Variants in RCAN2 observed in about 807,000 individuals in gnomAD.
The protein encoded by RCAN2 is calcipressin-2.
In RCAN2, 9 loss-of-function variants were observed where a neutral mutation model predicts 23.6. That is an observed-to-expected ratio of 0.38 (90% CI 0.23 to 0.67). RCAN2 has a LOEUF of 0.67. Among genes scored for constraint, RCAN2 ranks in the 30% least tolerant of loss-of-function variants. The pLI, the probability that RCAN2 is intolerant of heterozygous loss-of-function variation, is 0.51. For missense variants in RCAN2, 273 were observed against 302.3 expected (o/e 0.90, Z 0.72); for synonymous variants, 109 against 115.7 (o/e 0.94, Z 0.37).
At position 46,353,631 on chromosome 6, in the gene RCAN2, G is replaced by A. The variant is rs183978411; in HGVS notation, c.225+103121C>T. On this transcript the variant is annotated intron_variant, in intron 2 of 4. Coordinates refer to ENST00000371374, the MANE Select transcript of RCAN2 (RefSeq NM_001251974.2). ...TTGCAGTTAATACCGGAGAGTAGAC[G>A]CTAGGATGAGATGTGAGGGTTATTC... Among the ~76,000 whole-genome samples, 119 of 152,192 alleles carry A rather than the reference G, an allele frequency of 7.8e-4. 1 individual carries two copies. The highest frequency in any genetic ancestry group is 2.7e-3 in the African/African-American group (112 of 41,508).
intron 2 of RCAN2, among the ~76,000 whole-genome samples, chr6:46,298,686 G>T (rs977256070): frequency 2.0e-5 from 3 of 152,048 alleles, no homozygotes; most frequent in African/African-American, 7.2e-5. Context: ...CAGCCCCTGT[G>T]GAAAGCAGTG....
intron 2 of RCAN2, among the ~76,000 whole-genome samples, chr6:46,251,361 C>T (rs1766708509): frequency 6.6e-6 from 1 of 152,192 alleles, no homozygotes; most frequent in African/African-American, 2.4e-5. Flanking sequence ...GGTCAAGTCA[C>T]AGCTGGTAGT....
intron 2 of RCAN2, among the ~76,000 whole-genome samples, chr6:46,380,436 G>C (rs1217995154): frequency 1.3e-5 from 2 of 152,208 alleles, no homozygotes; most frequent in South Asian, 2.1e-4. Context: ...AAAGATGCTA[G>C]AGCAAAGTTT....
rs141788637 is a variant in RCAN2 at position 46,287,726 on chromosome 6, T to C, written c.226-38830A>G. On this transcript the variant is annotated intron_variant, in intron 2 of 4. Transcript: ENST00000371374. Reference sequence around the variant, plus strand: ...CTTTAGAGAAGATTCAAAGCCAAATTGTGAGGTTTTCCTCAGGGTCTGGCT... The same window carrying C: ...CTTTAGAGAAGATTCAAAGCCAAATCGTGAGGTTTTCCTCAGGGTCTGGCT... Among the ~76,000 whole-genome samples, 828 of 152,340 alleles carry C rather than the reference T, an allele frequency of 5.4e-3. 5 individuals are homozygous for C. Among genetic ancestry groups the C allele is most frequent in the African/African-American group, 0.018 (763 of 41,576 alleles).
intron 1 of RCAN2, among the ~76,000 whole-genome samples, chr6:46,479,801 T>C (rs933609569): frequency 1.3e-5 from 2 of 152,132 alleles, no homozygotes; most frequent in African/African-American, 2.4e-5. Flanking sequence ...CAGGATGTTC[T>C]TGATCTCCTA....
chr6:46,304,797 A>C (rs1013891385), intron 2 of RCAN2, among the ~76,000 whole-genome samples: 1 of 152,106 alleles, frequency 6.6e-6, no homozygotes, highest in African/African-American at 2.4e-5. Context: ...CAACCATCAA[A>C]CAAGTCTGAT....
At chr6:46,396,825 A>G (rs1329911540) in intron 2 of RCAN2, among the ~76,000 whole-genome samples, 2 of 152,152 alleles carry the variant, frequency 1.3e-5, no homozygotes, top group African/African-American at 4.8e-5. Flanking sequence ...GTAAATAGTA[A>G]TCTTGGCTGG....
intron 2 of RCAN2, among the ~76,000 whole-genome samples, chr6:46,453,589 C>A (rs1478367188): frequency 6.6e-6 from 1 of 152,132 alleles, no homozygotes; most frequent in Non-Finnish European, 1.5e-5. Context: ...TTGCACAGAA[C>A]AAAGTGATAC....
At chr6:46,466,011 C>T (rs538581045) in intron 1 of RCAN2, among the ~76,000 whole-genome samples, 1 of 152,182 alleles carries the variant, frequency 6.6e-6, no homozygotes, top group East Asian at 1.9e-4. Context: ...AAAAAGTGAA[C>T]AGGGAATGAG....
rs1767980616 is a variant in RCAN2, at chr6:46,455,132, A to G, written c.225+1620T>C. Among the ~76,000 whole-genome samples, 4 of 152,364 alleles carry G rather than the reference A, an allele frequency of 2.6e-5. No individual in the cohort carries two copies. The South Asian group carries it at 8.3e-4, about 32-fold the overall frequency. On this transcript the variant is annotated intron_variant, in intron 2 of 4. Transcript: ENST00000371374. ...TTCAGAGGAAACTACTTGCCCTGAG[A>G]AAATTATCATTTGTGATAATCTGGT...
rs962262421 is a variant in RCAN2 at position 46,456,931 on chromosome 6, G to C, written c.46C>G (p.Gln16Glu). The C allele has an allele frequency of 6.4e-7, 1 of 1,550,834 alleles. No homozygotes were observed. The highest frequency in any genetic ancestry group is 8.7e-7 in the Non-Finnish European group (1 of 1,147,032). Residue 16 changes from glutamine (Q) to glutamate (E), a missense_variant, in exon 2 of 5, where the codon CAG (glutamine) becomes GAG (glutamate). Physicochemically the swap from Gln to Glu is conservative, Grantham distance 29. Coordinates refer to ENST00000371374, the MANE Select transcript of RCAN2 (RefSeq NM_001251974.2). ...CCTCCATCTTCAGGGACGTGTCCCT[G>C]CTGCCCTGGGCTCCTCATTCCGATG... is the stretch of plus-strand genomic sequence containing the variant. ...YFIGMRSPGQQGHVPEDGGLF... is the reference protein window; with the variant it reads ...YFIGMRSPGQEGHVPEDGGLF...
chr6:46,279,099 C>CCCT (rs201144735), intron 2 of RCAN2, among the ~76,000 whole-genome samples: 2,877 of 152,236 alleles, frequency 0.019, 84 homozygotes, highest in African/African-American at 0.062. Context: ...TGAATAGGTA[C>CCCT]TAAATTTTTT....
chr6:46,314,889 T>G (rs964304860), intron 2 of RCAN2, among the ~76,000 whole-genome samples: 8 of 152,130 alleles, frequency 5.3e-5, no homozygotes, highest in African/African-American at 1.7e-4. Flanking sequence ...GGAAAAACCC[T>G]GTCGCTACAA....
rs900572894 is a variant in RCAN2 at position 46,391,392 on chromosome 6, G to A, written c.225+65360C>T. Among the ~76,000 whole-genome samples the A allele has an allele frequency of 3.9e-5, 6 of 152,144 alleles. No homozygotes were observed. In the South Asian group the frequency reaches 1.2e-3, roughly 32 times the overall value. On this transcript the variant is annotated intron_variant, in intron 2 of 4. Coordinates refer to ENST00000371374, the MANE Select transcript of RCAN2 (RefSeq NM_001251974.2). ...CTGCAGCTGATAGGCAGGGGGGCAG[G>A]GCTAAAACTGGGGTGCTAGGAGTGA...
At chr6:46,315,467 C>A (rs1273430012) in intron 2 of RCAN2, among the ~76,000 whole-genome samples, 2 of 152,082 alleles carry the variant, frequency 1.3e-5, no homozygotes, top group Non-Finnish European at 1.5e-5. Context: ...GCCATGTAGG[C>A]TCCAGAAGGA....
chr6:46,285,695 G>T (rs1762354123), intron 2 of RCAN2, among the ~76,000 whole-genome samples: 1 of 152,098 alleles, frequency 6.6e-6, no homozygotes, highest in African/African-American at 2.4e-5. Context: ...TTTTCTACCA[G>T]ATCTTTGCTA....
intron 4 of RCAN2, among the ~76,000 whole-genome samples, chr6:46,234,065 G>A (rs1441570998): frequency 6.6e-6 from 1 of 152,104 alleles, no homozygotes; most frequent in Admixed American, 6.5e-5. Flanking sequence ...TACCACTTTA[G>A]AAGTGGTTGC....
At chr6:46,397,206 T>C (rs542952566) in intron 2 of RCAN2, among the ~76,000 whole-genome samples, 43 of 152,242 alleles carry the variant, frequency 2.8e-4, no homozygotes, top group African/African-American at 9.9e-4. Flanking sequence ...CATTCCAAAA[T>C]GGGCAAAATA....
chr6:46,352,386 A>C (rs567180083), intron 2 of RCAN2, among the ~76,000 whole-genome samples: 1 of 152,258 alleles, frequency 6.6e-6, no homozygotes, highest in Admixed American at 6.5e-5. Flanking sequence ...AGAATGGTCC[A>C]TTTCCCTCCA....
Sources: gnomAD v4.1 joint callset for allele counts (sites outside exome capture counted in the v4.1 genomes callset) on GRCh38, gnomAD v4.1.1 for gene constraint, MANE v1.5 for transcripts, NCBI Gene and HGNC (gene_info 2026-07-23, HGNC 2026-07-21) for gene names.